Variants in THEMIS observed in about 807,000 individuals in gnomAD.
THEMIS encodes the protein protein THEMIS.
In THEMIS, 37 loss-of-function variants were observed where a neutral mutation model predicts 52.6. The observed-to-expected ratio is 0.70, with a 90% CI of 0.54 to 0.93. The LOEUF (loss-of-function observed/expected upper bound fraction) is 0.93, where lower values mean the gene tolerates loss of function less well. Ranked by LOEUF, THEMIS falls within the 40% of genes least tolerant of loss-of-function variation. The probability of loss-of-function intolerance (pLI) is 0.00; values close to 1 mark genes in which losing one functional copy is unlikely to be tolerated. For synonymous variants in THEMIS, 292 were observed against 272.7 expected (o/e 1.07, Z -0.70); for missense variants, 808 against 763.1 (o/e 1.06, Z -0.69).
chr6:127,896,828 T>C (rs933073281), intron 1 of THEMIS, among the ~76,000 whole-genome samples: 1 of 151,524 alleles, frequency 6.6e-6, no homozygotes, highest in Non-Finnish European at 1.5e-5. Context: ...TTAAAATCAA[T>C]CCAGGTATTT....
intron 1 of THEMIS, among the ~76,000 whole-genome samples, chr6:127,864,762 A>C (rs1583370229): frequency 6.6e-6 from 1 of 152,238 alleles, no homozygotes; most frequent in Middle Eastern, 3.4e-3. Flanking sequence ...GTCCAGCAAA[A>C]TTATGTTTAT....
chr6:127,721,981 T>C (rs1358799111), intron 4 of THEMIS, among the ~76,000 whole-genome samples: 1 of 151,994 alleles, frequency 6.6e-6, no homozygotes, highest in African/African-American at 2.4e-5. Flanking sequence ...ATAAAAGAAA[T>C]GCTGAGTTTA....
intron 1 of THEMIS, among the ~76,000 whole-genome samples, chr6:127,872,760 T>C (rs1780196716): frequency 6.6e-6 from 1 of 152,196 alleles, no homozygotes; most frequent in African/African-American, 2.4e-5. Flanking sequence ...ACCACTCTTA[T>C]GCAAATAGTC....
At chr6:127,794,968 C>T (rs1289248151) in intron 4 of THEMIS, among the ~76,000 whole-genome samples, 1 of 151,922 alleles carries the variant, frequency 6.6e-6, no homozygotes, top group Non-Finnish European at 1.5e-5. Flanking sequence ...ATATAATAAC[C>T]AACAGATATT....
At chr6:127,853,745 C>G (rs1779511062) in intron 2 of THEMIS, among the ~76,000 whole-genome samples, 1 of 151,566 alleles carries the variant, frequency 6.6e-6, no homozygotes, top group African/African-American at 2.4e-5. Context: ...TGCCATGTAC[C>G]TTTCTAAACA....
intron 2 of THEMIS, among the ~76,000 whole-genome samples, chr6:127,842,391 T>A (rs1406222215): frequency 6.6e-6 from 1 of 152,038 alleles, no homozygotes; most frequent in Non-Finnish European, 1.5e-5. Context: ...TACCCAGGCA[T>A]AAAGGAGCAG....
At chr6:127,854,286 T>C (rs936434513) in intron 2 of THEMIS, among the ~76,000 whole-genome samples, 4 of 151,802 alleles carry the variant, frequency 2.6e-5, no homozygotes, top group Non-Finnish European at 4.4e-5. Flanking sequence ...GCTTTCGTGC[T>C]ACCACATAAA....
intron 2 of THEMIS, among the ~76,000 whole-genome samples, chr6:127,844,795 T>C (rs926899642): frequency 4.6e-5 from 7 of 151,934 alleles, no homozygotes; most frequent in Non-Finnish European, 7.4e-5. Flanking sequence ...TGTAATCAAC[T>C]ACCGAATAGG....
chr6:127,777,763 G>T (rs1776613251), intron 4 of THEMIS, among the ~76,000 whole-genome samples: 2 of 152,066 alleles, frequency 1.3e-5, no homozygotes, highest in African/African-American at 4.8e-5. Flanking sequence ...AAAAAGAGTG[G>T]TTATTTGTTT....
chr6:127,836,194 G>A (rs775293669), intron 2 of THEMIS, among the ~76,000 whole-genome samples: 3 of 152,104 alleles, frequency 2.0e-5, no homozygotes, highest in African/African-American at 4.8e-5. Context: ...AGTAGAAAGA[G>A]TTTGGGAGCC....
intron 4 of THEMIS, among the ~76,000 whole-genome samples, chr6:127,787,071 CA>C (rs1776973811): frequency 6.6e-6 from 1 of 152,162 alleles, no homozygotes; most frequent in African/African-American, 2.4e-5. Context: ...TGTCTTTACT[CA>C]AGCTGACTCC....
At chr6:127,918,262 C>A (rs895880000) in intron 1 of THEMIS, among the ~76,000 whole-genome samples, 1 of 152,178 alleles carries the variant, frequency 6.6e-6, no homozygotes, top group African/African-American at 2.4e-5. Flanking sequence ...GGATTATCAA[C>A]TTGACCCTGC....
At chr6:127,903,010 C>T (rs1350694538), upstream of THEMIS, among the ~76,000 whole-genome samples, 1 of 152,058 alleles carries the variant, frequency 6.6e-6, no homozygotes. Flanking sequence ...CTTCTGCTCT[C>T]GCGACAGATG....
intron 2 of THEMIS, among the ~76,000 whole-genome samples, chr6:127,851,772 T>C (rs550171559): frequency 2.6e-5 from 4 of 151,880 alleles, no homozygotes; most frequent in South Asian, 4.1e-4. Context: ...TACTTTGGAA[T>C]ATAGTTTGGC....
chr6:127,903,246 T>C (rs1410343706), upstream of THEMIS, among the ~76,000 whole-genome samples: 1 of 152,048 alleles, frequency 6.6e-6, no homozygotes, highest in Non-Finnish European at 1.5e-5. Context: ...TAATCACTTC[T>C]GACACACAGG....
chr6:127,703,568 A>G (rs909685897), downstream of THEMIS, among the ~76,000 whole-genome samples: 48 of 152,318 alleles, frequency 3.2e-4, no homozygotes, highest in Admixed American at 2.9e-3. Flanking sequence ...TGAGGGTCAC[A>G]TCAGCAAACA....
intron 4 of THEMIS, among the ~76,000 whole-genome samples, chr6:127,742,123 C>A (rs899010756): frequency 2.0e-5 from 3 of 151,948 alleles, no homozygotes; most frequent in Admixed American, 2.0e-4. Context: ...GACAGCCTGG[C>A]CAACATGGTG....
At chr6:127,849,845 T>A (rs1375282899) in intron 2 of THEMIS, among the ~76,000 whole-genome samples, 1 of 151,918 alleles carries the variant, frequency 6.6e-6, no homozygotes. Context: ...AAATAATTCA[T>A]GACTAAGACA....
intron 1 of THEMIS, among the ~76,000 whole-genome samples, chr6:127,865,353 C>T (rs910578409): frequency 6.6e-6 from 1 of 152,074 alleles, no homozygotes; most frequent in African/African-American, 2.4e-5. Context: ...CTCTAAGGAG[C>T]CAGTCAAGAC....
Sources: allele counts gnomAD v4.1 joint callset (sites outside exome capture counted in the v4.1 genomes callset), GRCh38; gene constraint gnomAD v4.1.1; transcripts MANE v1.5; gene names NCBI Gene and HGNC (gene_info 2026-07-23, HGNC 2026-07-21).